SYBU: variants seen among roughly 807,000 people sequenced by gnomAD.
SYBU encodes the protein syntabulin.
A neutral mutation model predicts 35.9 loss-of-function variants in SYBU; 21 were observed. That is an observed-to-expected ratio of 0.58 (90% CI 0.41 to 0.84). The LOEUF (loss-of-function observed/expected upper bound fraction) is 0.84. SYBU is among the 40% of genes least tolerant of loss of function. SYBU has a pLI of 0.00. For synonymous variants in SYBU, 319 were observed against 324.3 expected (o/e 0.98, Z 0.18); for missense variants, 768 against 848.2 (o/e 0.91, Z 1.17).
intron 1 of SYBU, among the ~76,000 whole-genome samples, chr8:109,663,382 G>T (rs1041401040): frequency 6.6e-6 from 1 of 152,092 alleles, no homozygotes; most frequent in Non-Finnish European, 1.5e-5. Flanking sequence ...GTCAATACAA[G>T]ATAGTTTCTG....
chr8:109,665,617 A>G (rs1181415955), intron 1 of SYBU, among the ~76,000 whole-genome samples: 1 of 152,240 alleles, frequency 6.6e-6, no homozygotes, highest in Non-Finnish European at 1.5e-5. Flanking sequence ...TAAATGAATG[A>G]CCATGAAGCT....
At chr8:109,588,843 C>T (rs781366634) in intron 3 of SYBU, among the ~76,000 whole-genome samples, 26 of 152,172 alleles carry the variant, frequency 1.7e-4, no homozygotes, top group Non-Finnish European at 3.1e-4. Context: ...ATTAAAATCA[C>T]GCACAGAGTA....
chr8:109,624,511 T>C (rs117190932), intron 2 of SYBU, among the ~76,000 whole-genome samples: 50 of 152,270 alleles, frequency 3.3e-4, no homozygotes, highest in East Asian at 1.2e-3. Context: ...GCAAATGTAA[T>C]AGATAAAACC....
chr8:109,611,650 T>C (rs1469788514), intron 3 of SYBU, among the ~76,000 whole-genome samples: 1 of 152,232 alleles, frequency 6.6e-6, no homozygotes. Flanking sequence ...CAAACTCTAA[T>C]GATTTTCATT....
At position 109,586,140 on chromosome 8, in the gene SYBU, G is replaced by T. The variant is rs369364091; in HGVS notation, c.450C>A (p.Ser150=). Residue 150 remains serine, a synonymous_variant, in exon 4 of 7, where the codon TCC becomes TCA. Coordinates refer to ENST00000276646, the MANE Select transcript of SYBU (RefSeq NM_001099754.2). ...CGGAAATGCTGCCTGTGCTGCTCGA[G>T]GAGCTAAAATCAGCTTCACTACCTG... ...VKPGSEADFS[S]SSSTGSISAP... is the part of the protein sequence containing the mutation. 1.9e-6 allele frequency: 3 copies of T among 1,609,572 alleles called. No homozygotes were observed. The highest frequency in any genetic ancestry group is 2.5e-6 in the Non-Finnish European group (3 of 1,178,334).
intron 1 of SYBU, among the ~76,000 whole-genome samples, chr8:109,669,563 T>C (rs1356522085): frequency 6.6e-6 from 1 of 152,168 alleles, no homozygotes; most frequent in East Asian, 1.9e-4. Flanking sequence ...TATGTTTTAA[T>C]ATCTGGAGTG....
At chr8:109,666,343 A>T (rs1586977088) in intron 1 of SYBU, among the ~76,000 whole-genome samples, 1 of 152,176 alleles carries the variant, frequency 6.6e-6, no homozygotes, top group South Asian at 2.1e-4. Context: ...CAGCTTCTCC[A>T]GCCTCCACCC....
chr8:109,596,267 G>A (rs933522502), intron 3 of SYBU, among the ~76,000 whole-genome samples: 1 of 152,186 alleles, frequency 6.6e-6, no homozygotes, highest in Non-Finnish European at 1.5e-5. Context: ...ACAAAGAACT[G>A]GATTAATCAT....
At chr8:109,643,074 T>C (rs1815111594) in intron 1 of SYBU, 142 bp from the exon 2 acceptor site, 1 of 1,377,984 alleles carries the variant, frequency 7.3e-7, no homozygotes, top group South Asian at 1.9e-5. Context: ...CTTATCTCAG[T>C]TGCTGAAATG....
At chr8:109,595,380 C>A (rs74595143) in intron 3 of SYBU, among the ~76,000 whole-genome samples, 3,664 of 152,340 alleles carry the variant, frequency 0.024, 147 homozygotes, top group African/African-American at 0.084. Flanking sequence ...CTGCAGCACA[C>A]TAAACAACAG....
At chr8:109,644,871 G>A, upstream of SYBU, 1 of 553,600 alleles carries the variant, frequency 1.8e-6, no homozygotes, top group Non-Finnish European at 3.1e-6. Context: ...ACGTGGTGCC[G>A]CACTCGCTAG....
chr8:109,676,422 A>C (rs1817192507), intron 1 of SYBU, among the ~76,000 whole-genome samples: 2 of 152,376 alleles, frequency 1.3e-5, no homozygotes, highest in South Asian at 2.1e-4. Flanking sequence ...TTAAGCTGAT[A>C]AGCAACTTCC....
intron 1 of SYBU, among the ~76,000 whole-genome samples, chr8:109,664,625 A>G (rs2130747826): frequency 6.6e-6 from 1 of 152,336 alleles, no homozygotes; most frequent in Non-Finnish European, 1.5e-5. Flanking sequence ...TAAAGAGATT[A>G]GAAGAGGGAG....
chr8:109,593,524 A>C (rs1290363432), intron 3 of SYBU, among the ~76,000 whole-genome samples: 1 of 152,210 alleles, frequency 6.6e-6, no homozygotes, highest in Non-Finnish European at 1.5e-5. Flanking sequence ...CATGTACACA[A>C]ATGTTGGTTT....
chr8:109,575,991 T>C lies in SYBU; in HGVS notation c.907A>G (p.Lys303Glu), dbSNP rs1269298950. 6.3e-7 allele frequency: 1 copy of C among 1,592,870 alleles called. No individual in the cohort carries two copies. The highest frequency in any genetic ancestry group is 8.5e-7 in the Non-Finnish European group (1 of 1,174,352). ...TCTCGCATGCGGGCCAGCTGGGACT[T>C]AAGCTCCACGATTTCACTTTCCCTA... is the stretch of plus-strand genomic sequence containing the variant. ...HERESEIVEL[K>E]SQLARMREDW... Residue 303 changes from lysine (K) to glutamate (E), a missense_variant, in exon 7 of 7, where the codon AAG becomes GAG. By Grantham distance (56) the Lys-to-Glu change is moderately conservative. Transcript: ENST00000276646.
At chr8:109,647,078 C>T (rs555043644), upstream of SYBU, 1 of 152,240 alleles carries the variant, frequency 6.6e-6, no homozygotes, top group Non-Finnish European at 1.5e-5. Flanking sequence ...TCCGTGAAAA[C>T]TCATTAATGA....
Position 109,689,612 on chromosome 8 carries a change from G to A in SYBU, c.-58+1721C>T, listed in dbSNP as rs1038179093. 2.2e-4 allele frequency among the ~76,000 whole-genome samples: 33 copies of A among 152,158 alleles called. 1 individual carries two copies. Among genetic ancestry groups the A allele is most frequent in the African/African-American group, 5.8e-4 (24 of 41,504 alleles). On this transcript the variant is annotated intron_variant, in intron 1 of 7. Transcript: ENST00000422135. ...CTCCCAAAGTTCTGGGATTACAGGCGCAAGCCACCATGCCAGGCCTGTCAT... is the reference window on the plus strand; with the variant it reads ...CTCCCAAAGTTCTGGGATTACAGGCACAAGCCACCATGCCAGGCCTGTCAT...
chr8:109,646,459 T>C (rs890689777), upstream of SYBU: 3 of 152,352 alleles, frequency 2.0e-5, no homozygotes, highest in Admixed American at 6.5e-5. Flanking sequence ...TAAATCTTCA[T>C]GCCTTTTCAA....
chr8:109,629,482 C>A (rs1030360748), intron 2 of SYBU, among the ~76,000 whole-genome samples: 1 of 152,186 alleles, frequency 6.6e-6, no homozygotes, highest in Non-Finnish European at 1.5e-5. Flanking sequence ...AGCTTGTAAT[C>A]AGTAAGTGGC....
Sources: gnomAD v4.1 joint callset for allele counts (sites outside exome capture counted in the v4.1 genomes callset) on GRCh38, gnomAD v4.1.1 for gene constraint, MANE v1.5 for transcripts, NCBI Gene and HGNC (gene_info 2026-07-23, HGNC 2026-07-21) for gene names.